The following MN1 variants were observed in gnomAD, a reference collection of about 807,000 sequenced individuals.
MN1 encodes the protein MN1 proto-oncogene, transcriptional regulator, also known as transcriptional activator MN1.
In MN1, 19 loss-of-function variants were observed where a neutral mutation model predicts 86.9. That is an observed-to-expected ratio of 0.22 (90% confidence interval 0.15 to 0.32). The LOEUF is 0.32. Among genes scored for constraint, MN1 ranks in the 10% least tolerant of loss-of-function variants. MN1 has a pLI of 1.00. For missense variants in MN1, 1,841 were observed against 1,862.0 expected (o/e 0.99, Z 0.21); for synonymous variants, 928 against 849.6 (o/e 1.09, Z -1.60).
chr22:27,797,249 G>T lies in MN1; in HGVS notation c.3295C>A (p.Pro1099Thr). The change falls in exon 1 of 2, where the codon CCC (proline) becomes ACC (threonine). Residue 1099 changes from proline (P) to threonine (T), a missense_variant. Pro to Thr is a conservative substitution (Grantham distance 38). Coordinates refer to ENST00000302326, the MANE Select transcript of MN1 (RefSeq NM_002430.3). ...VGAGEHGPKA[P>T]PPALGLGIMS... ...ATGCCCAGGCCGAGGGCGGGCGGGG[G>T]CGCCTTCGGTCCGTGTTCCCCGGCG... 1.9e-6 allele frequency: 3 copies of T among 1,576,050 alleles called. No individual in the cohort carries two copies. The highest frequency in any genetic ancestry group is 2.3e-5 in the South Asian group (2 of 88,804).
Position 27,797,277 on chromosome 22 carries a change from T to C in MN1, c.3267A>G (p.Val1089=). ...CCTTCGGTCCGTGTTCCCCGGCGCC[T>C]ACCCCACGGGGAGGGAGTTTGGGCG... is the stretch of plus-strand genomic sequence containing the variant. ...TGSPKLPPRG[V]GAGEHGPKAP... is the part of the protein sequence containing the mutation. The change falls in exon 1 of 2, where the codon GTA becomes GTG. Residue 1089 remains valine (V), a synonymous_variant. Coordinates refer to ENST00000302326, the MANE Select transcript of MN1 (RefSeq NM_002430.3). 6.3e-7 allele frequency: 1 copy of C among 1,594,102 alleles called. No homozygotes were observed.
At position 27,798,706 on chromosome 22, in the gene MN1, C is replaced by T; in HGVS notation, c.1838G>A (p.Gly613Glu). Residue 613 changes from glycine to glutamate, a missense_variant, in exon 1 of 2, where the codon GGG becomes GAG. Gly to Glu is a moderately conservative substitution (Grantham distance 98). Coordinates refer to ENST00000302326, the MANE Select transcript of MN1 (RefSeq NM_002430.3). ...CTGCTGCTCGAAGGTGCCCAGACGC[C>T]CGGCGCCCGTGCTGCCGCCTTCGCG... ...FEREGGSTGA[G>E]RLGTFEQQAP... 6.5e-7 allele frequency: 1 copy of T among 1,535,352 alleles called. No individual in the cohort carries two copies.
chr22:27,768,370 G>A (rs1403850814), intron 1 of MN1, among the ~76,000 whole-genome samples: 1 of 152,154 alleles, frequency 6.6e-6, no homozygotes, highest in Non-Finnish European at 1.5e-5. Flanking sequence ...AAAGACAAAA[G>A]CATTTACCCT....
rs1054213351 is a variant in MN1, at chr22:27,748,800, C to T, written c.*2115G>A. The T allele has an allele frequency of 8.9e-6, 2 of 224,108 alleles. No individual in the cohort carries two copies. The highest frequency in any genetic ancestry group is 1.8e-5 in the Non-Finnish European group (2 of 112,110). 13.9% of individuals were successfully genotyped at this position (224,108 alleles called of 1,614,324 possible). A position where few individuals can be genotyped will look rare whatever the true frequency, so the allele number is the denominator to read the frequency against. On this transcript the variant is annotated 3_prime_UTR_variant, in exon 2 of 2. Transcript: ENST00000302326. Reference sequence around the variant, plus strand: ...TTGGCAAAGTGTTGATGACTCAACGCTGGGAAAGTCAAAGACAGAAGTTAA... The same window carrying T: ...TTGGCAAAGTGTTGATGACTCAACGTTGGGAAAGTCAAAGACAGAAGTTAA...
chr22:27,783,088 G>T (rs762361479), intron 1 of MN1, among the ~76,000 whole-genome samples: 1 of 151,900 alleles, frequency 6.6e-6, no homozygotes, highest in Non-Finnish European at 1.5e-5. Flanking sequence ...AAGGGAACAA[G>T]GGTTGCCATC....
intron 1 of MN1, among the ~76,000 whole-genome samples, chr22:27,778,632 G>A (rs886245647): frequency 1.4e-4 from 21 of 152,380 alleles, no homozygotes; most frequent in African/African-American, 5.0e-4. Flanking sequence ...GACAGATGAG[G>A]AAACTGAGGC....
At chr22:27,756,422 G>A (rs1932802582) in intron 1 of MN1, among the ~76,000 whole-genome samples, 1 of 152,110 alleles carries the variant, frequency 6.6e-6, no homozygotes, top group Non-Finnish European at 1.5e-5. Context: ...GCAAAGGGCT[G>A]CCTCGGTGGT....
Position 27,748,863 on chromosome 22 carries a change from A to G in MN1, c.*2052T>C, listed in dbSNP as rs998836708. 5 of 226,236 alleles carry G rather than the reference A, an allele frequency of 2.2e-5. No homozygotes were observed. The highest frequency in any genetic ancestry group is 5.7e-5 in the Admixed American group (1 of 17,528). 14.0% of individuals were successfully genotyped at this position (226,236 alleles called of 1,614,324 possible). ...CCCGGCCTTAAGCAATTAAGGAGAA[A>G]TCATTCCTGTTTCAAAAGTAAAATG... On this transcript the variant is annotated 3_prime_UTR_variant, in exon 2 of 2. Transcript: ENST00000302326.
chr22:27,779,923 C>G (rs1288753069), intron 1 of MN1, among the ~76,000 whole-genome samples: 1 of 152,112 alleles, frequency 6.6e-6, no homozygotes, highest in Non-Finnish European at 1.5e-5. Context: ...GCCTGCCCAG[C>G]TCAGGGAGCC....
intron 1 of MN1, among the ~76,000 whole-genome samples, chr22:27,790,952 C>G (rs149359764): frequency 3.7e-4 from 56 of 152,298 alleles, no homozygotes; most frequent in African/African-American, 1.3e-3. Flanking sequence ...CAGTCCTTTA[C>G]AGAATCAGAA....
chr22:27,784,797 T>C (rs1211922554), intron 1 of MN1, among the ~76,000 whole-genome samples: 2 of 151,900 alleles, frequency 1.3e-5, no homozygotes, highest in African/African-American at 4.8e-5. Flanking sequence ...ACATAACCTC[T>C]GAAAATCTAT....
At position 27,798,107 on chromosome 22, in the gene MN1, G is replaced by C. The variant is rs773477405; in HGVS notation, c.2437C>G (p.Pro813Ala). 1.2e-6 allele frequency: 2 copies of C among 1,610,726 alleles called. No individual in the cohort carries two copies. The highest frequency in any genetic ancestry group is 1.7e-6 in the Non-Finnish European group (2 of 1,179,678). ...CCGAACAGGTTGTCCTTGGAGCTGGGCTTGTTGAAGGAGCCCAGCGAGAGC... is the reference window on the plus strand; with the variant it reads ...CCGAACAGGTTGTCCTTGGAGCTGGCCTTGTTGAAGGAGCCCAGCGAGAGC... ...GALSLGSFNK[P>A]SSKDNLFGQS... The change falls in exon 1 of 2, where the codon CCC becomes GCC. Residue 813 changes from proline to alanine, a missense_variant. Transcript: ENST00000302326.
At position 27,797,828 on chromosome 22, in the gene MN1, G is replaced by A. The variant is rs1274394739; in HGVS notation, c.2716C>T (p.Pro906Ser). 2 of 1,578,504 alleles carry A rather than the reference G, an allele frequency of 1.3e-6. No homozygotes were observed. Among genetic ancestry groups the A allele is most frequent in the East Asian group, 2.2e-5 (1 of 44,492 alleles). ...TCCCCCTGGGCTGGAGGGTTGGGCG[G>A]CCCCGAGGCTTTGGAGCCGCTGCTA... ...TSSSGSKASGPPNPPAQGDGT... is the reference protein window; with the variant it reads ...TSSSGSKASGSPNPPAQGDGT... The change falls in exon 1 of 2, where the codon CCG becomes TCG. Residue 906 changes from proline (P) to serine (S), a missense_variant. By Grantham distance (74) the Pro-to-Ser change is moderately conservative (BLOSUM62 -1). Coordinates refer to ENST00000302326, the MANE Select transcript of MN1 (RefSeq NM_002430.3).
chr22:27,799,761 C>G lies in MN1; in HGVS notation c.783G>C (p.Ala261=), dbSNP rs376859079. 2.4e-5 allele frequency: 38 copies of G among 1,593,066 alleles called. No individual in the cohort carries two copies. Among genetic ancestry groups the G allele is most frequent in the Non-Finnish European group, 2.9e-5 (34 of 1,169,584 alleles). ...AAGCGCCCCCAGGAACCTGGCGACC[C>G]GCTGCATAATGAGGCAGCTGCCCTT... The part of the protein sequence containing the change: ...DSEGQLPHYA[A]GRQVPGGAFP... The change falls in exon 1 of 2, where the codon GCG becomes GCC. Residue 261 remains alanine, a synonymous_variant. Coordinates refer to ENST00000302326, the MANE Select transcript of MN1 (RefSeq NM_002430.3).
intron 1 of MN1, among the ~76,000 whole-genome samples, chr22:27,772,368 G>A (rs1294338304): frequency 2.6e-5 from 4 of 152,190 alleles, no homozygotes; most frequent in African/African-American, 4.8e-5. Flanking sequence ...GAAGCACTTC[G>A]TTACCATTTG....
At chr22:27,757,856 T>C (rs1361345654) in intron 1 of MN1, among the ~76,000 whole-genome samples, 2 of 151,872 alleles carry the variant, frequency 1.3e-5, no homozygotes, top group Non-Finnish European at 2.9e-5. Flanking sequence ...GGCAGGGCCA[T>C]TGCATCCAAG....
Position 27,751,070 on chromosome 22 carries a change from A to T in MN1, c.3808T>A (p.Ser1270Thr). The T allele has an allele frequency of 2.5e-6, 4 of 1,590,536 alleles. No individual in the cohort carries two copies. Among genetic ancestry groups the T allele is most frequent in the Non-Finnish European group, 3.4e-6 (4 of 1,165,186 alleles). The change falls in exon 2 of 2, where the codon TCA becomes ACA. Residue 1270 changes from serine to threonine, a missense_variant. Coordinates refer to ENST00000302326, the MANE Select transcript of MN1 (RefSeq NM_002430.3). Reference protein sequence around the residue: ...EAHDLPANKASASQPGSHLQC... With the variant: ...EAHDLPANKATASQPGSHLQC... ...AAGTGGCTGCCAGGCTGGGATGCTG[A>T]GGCCTTGTTTGCAGGGAGGTCGTGG...
intron 1 of MN1, chr22:27,791,753 T>G (rs1296494327): frequency 3.3e-5 from 5 of 152,142 alleles, no homozygotes; most frequent in Admixed American, 1.3e-4. Flanking sequence ...TTACCAAGAG[T>G]GTTTATCTCT....
At chr22:27,759,690 C>T (rs1932822208) in intron 1 of MN1, among the ~76,000 whole-genome samples, 1 of 152,138 alleles carries the variant, frequency 6.6e-6, no homozygotes, top group South Asian at 2.1e-4. Context: ...GCAGACATGC[C>T]CATGTGGCTC....
Sources: gnomAD v4.1 joint callset for allele counts (sites outside exome capture counted in the v4.1 genomes callset) on GRCh38, gnomAD v4.1.1 for gene constraint, MANE v1.5 for transcripts, NCBI Gene and HGNC (gene_info 2026-07-23, HGNC 2026-07-21) for gene names.